Variants in PDE10A observed in about 807,000 individuals in gnomAD.
PDE10A encodes phosphodiesterase 10A.
A neutral mutation model predicts 97.7 loss-of-function variants in PDE10A; 39 were observed. That is an observed-to-expected ratio of 0.40 (90% CI 0.31 to 0.52). The LOEUF is 0.52. Ranked by LOEUF, PDE10A falls within the 20% of genes least tolerant of loss-of-function variation. PDE10A has a pLI of 0.56. For synonymous variants in PDE10A, 371 were observed against 376.8 expected, an observed-to-expected ratio of 0.98 and a Z score of 0.18; for missense variants, 731 against 1,047.8, an observed-to-expected ratio of 0.70 and a Z score of 4.17.
At position 165,927,682 on chromosome 6, in the gene PDE10A, T is replaced by TTTTG. The variant is rs57461359; in HGVS notation, c.-615+59843_-615+59846dup. The stretch of plus-strand genomic sequence containing the variant: ...TATATATATATATATATATATAGTT[T>TTTTG]TTTGTTTGTTTGTTTGTTTGTTTGT... On this transcript the variant is annotated intron_variant, in intron 1 of 19. Transcript: ENST00000366882. 1.2e-3 allele frequency among the ~76,000 whole-genome samples: 107 copies of TTTTG among 90,032 alleles called. 1 individual carries two copies. The highest frequency in any genetic ancestry group is 5.5e-3 in the South Asian group (14 of 2,546). The allele number at this position is 90,032 out of a possible 152,430, so 59.1% of individuals were successfully genotyped here.
intron 1 of PDE10A, among the ~76,000 whole-genome samples, chr6:165,758,563 GGAA>G (rs754169464): frequency 1.1e-4 from 16 of 146,106 alleles, no homozygotes; most frequent in Admixed American, 2.1e-4. Context: ...AAGAGGAAGA[GGAA>G]GAAGAAGAGG....
intron 13 of PDE10A, among the ~76,000 whole-genome samples, chr6:165,412,207 T>A (rs1267315051): frequency 6.6e-6 from 1 of 152,104 alleles, no homozygotes; most frequent in African/African-American, 2.4e-5. Context: ...ATTAATAAAA[T>A]AAAGCATAAA....
chr6:165,691,802 T>C (rs4709965), intron 1 of PDE10A, among the ~76,000 whole-genome samples: 146,236 of 152,336 alleles, frequency 0.96, 70,215 homozygotes, highest in African/African-American at 0.99. Flanking sequence ...GCAGCCTGGC[T>C]GCGTGTCCTG....
intron 1 of PDE10A, among the ~76,000 whole-genome samples, chr6:165,979,115 G>A (rs549090611): frequency 1.2e-4 from 18 of 152,148 alleles, no homozygotes; most frequent in Non-Finnish European, 2.2e-4. Context: ...GGCTTTCTAC[G>A]CAGAGGAGGG....
At chr6:165,727,783 TTAAA>T (rs1792335700) in intron 1 of PDE10A, among the ~76,000 whole-genome samples, 1 of 152,238 alleles carries the variant, frequency 6.6e-6, no homozygotes. Flanking sequence ...GAAACATAAC[TTAAA>T]TAATCATGTT....
At chr6:165,951,715 C>G (rs300118) in intron 1 of PDE10A, among the ~76,000 whole-genome samples, 19,705 of 152,150 alleles carry the variant, frequency 0.13, 1,518 homozygotes, top group East Asian at 0.35. Context: ...GCCGTTTCTT[C>G]TAGTTTAATT....
intron 1 of PDE10A, among the ~76,000 whole-genome samples, chr6:165,898,107 AC>A (rs1455766635): frequency 9.5e-6 from 1 of 104,824 alleles, no homozygotes; most frequent in Non-Finnish European, 2.0e-5. Context: ...GTCCCCCTCC[AC>A]CCCCCATGAG....
In PDE10A at chr6:165,647,441, C is replaced by G. The variant is rs1197628386; in HGVS notation, c.865+14506G>C. Among the ~76,000 whole-genome samples, 3 of 152,108 alleles carry G rather than the reference C, an allele frequency of 2.0e-5. No homozygotes were observed. In the East Asian group the frequency reaches 5.8e-4, roughly 29 times the overall value. ...GCAGAGGTGAATTCTTTTGGAGGTG[C>G]AGAAGTCCCATAAATGGGGAATGGG... On this transcript the variant is annotated intron_variant, in intron 1 of 21. Coordinates refer to ENST00000539869, the MANE Select transcript of PDE10A (RefSeq NM_001385079.1).
intron 1 of PDE10A, among the ~76,000 whole-genome samples, chr6:165,734,950 GTAGATAGATAGATAGATAGATAGA>G (rs60771144): frequency 1.3e-5 from 2 of 150,610 alleles, no homozygotes; most frequent in African/African-American, 4.9e-5. Context: ...CAATAAGAAA[GTAGATAGATAGATAGATAGATAGA>G]TAGATAGATA....
intron 1 of PDE10A, among the ~76,000 whole-genome samples, chr6:165,719,325 G>A (rs1199045308): frequency 6.6e-6 from 1 of 152,168 alleles, no homozygotes; most frequent in Non-Finnish European, 1.5e-5. Context: ...TATCGGCAGG[G>A]ATCCAAAACA....
chr6:165,590,155 T>G (rs2128383783), intron 1 of PDE10A, among the ~76,000 whole-genome samples: 1 of 152,316 alleles, frequency 6.6e-6, no homozygotes, highest in Admixed American at 6.5e-5. Flanking sequence ...TAGAAAAGGT[T>G]CCGGGATAGA....
At chr6:165,586,032 T>C (rs1006952774) in intron 1 of PDE10A, among the ~76,000 whole-genome samples, 3 of 152,122 alleles carry the variant, frequency 2.0e-5, no homozygotes, top group African/African-American at 7.2e-5. Flanking sequence ...AGTTCACCAA[T>C]GTATAGTCAA....
At chr6:165,417,307 T>A (rs763966510) in intron 11 of PDE10A, among the ~76,000 whole-genome samples, 12 of 152,182 alleles carry the variant, frequency 7.9e-5, no homozygotes, top group Non-Finnish European at 1.6e-4. Context: ...TCAGAATCCA[T>A]TTGATGATTT....
chr6:165,431,545 CTATATATCATAT>C, intron 7 of PDE10A, 73 bp from the exon 8 acceptor site: 1 of 212,320 alleles, frequency 4.7e-6, no homozygotes, highest in South Asian at 1.4e-4. Context: ...ATATAATATA[CTATATATCATAT>C]GTATAATACA....
intron 18 of PDE10A, among the ~76,000 whole-genome samples, chr6:165,369,038 C>A (rs928622244): frequency 6.6e-6 from 1 of 152,036 alleles, no homozygotes; most frequent in Non-Finnish European, 1.5e-5. Context: ...AGAAGGAAAA[C>A]TAACAAACAG....
intron 1 of PDE10A, among the ~76,000 whole-genome samples, chr6:165,619,792 G>A (rs1340410788): frequency 2.6e-5 from 4 of 151,964 alleles, no homozygotes; most frequent in Admixed American, 6.6e-5. Flanking sequence ...GTCTAGTGTA[G>A]TGATTGGTGT....
In PDE10A at chr6:165,482,301, T is replaced by C. The variant is rs1481460888; in HGVS notation, c.1023+14A>G. The C allele has an allele frequency of 1.3e-6, 2 of 1,553,030 alleles. No homozygotes were observed. Among genetic ancestry groups the C allele is most frequent in the Admixed American group, 1.7e-5 (1 of 59,942 alleles). On this transcript the variant is annotated intron_variant, in intron 3 of 21. Transcript: ENST00000539869. ...CTATACTGCAGTAGTAGAAATAATATTCACATCACTTACCCTGCTGACTTC... is the reference window on the plus strand; with the variant it reads ...CTATACTGCAGTAGTAGAAATAATACTCACATCACTTACCCTGCTGACTTC...
chr6:165,392,759 C>G lies in PDE10A; in HGVS notation c.2341G>C (p.Val781Leu). Residue 781 changes from valine (V) to leucine (L), a missense_variant, in exon 16 of 22, where the codon GTG becomes CTG. Physicochemically the swap from Val to Leu is conservative, Grantham distance 32. Around this residue, in one of 8 missense-constraint regions of PDE10A, gnomAD observed 131 missense variants for 187.4 expected, o/e 0.70. Transcript: ENST00000539869. ...GGAACCCGCCGATAGTTCTTCTTCA[C>G]AGACATAATAAAACGACACAACTTT... ...LEKLCRFIMS[V>L]KKNYRRVPYH... The G allele has an allele frequency of 6.2e-7, 1 of 1,614,008 alleles. No individual in the cohort carries two copies. Among genetic ancestry groups the G allele is most frequent in the Non-Finnish European group, 8.5e-7 (1 of 1,179,908 alleles).
intron 1 of PDE10A, among the ~76,000 whole-genome samples, chr6:165,624,492 G>GT (rs1481190236): frequency 6.6e-6 from 1 of 152,184 alleles, no homozygotes; most frequent in African/African-American, 2.4e-5. Flanking sequence ...GCATTTCTCT[G>GT]TTTTTTATTT....
Sources: allele counts gnomAD v4.1 joint callset (sites outside exome capture counted in the v4.1 genomes callset), GRCh38; gene constraint gnomAD v4.1.1; regional missense constraint gnomAD v4.1.1; transcripts MANE v1.5; gene names NCBI Gene and HGNC (gene_info 2026-07-23, HGNC 2026-07-21).